RBFOX1: variants seen among roughly 807,000 people sequenced by gnomAD.
RBFOX1 encodes the protein RNA binding fox-1 homolog 1.
A neutral mutation model predicts 57.7 loss-of-function variants in RBFOX1; 8 were observed. The observed-to-expected ratio is 0.14, with a 90% CI of 0.08 to 0.25. The LOEUF (loss-of-function observed/expected upper bound fraction) is 0.25. Among genes scored for constraint, RBFOX1 ranks in the 10% least tolerant of loss-of-function variants. The pLI, the probability that RBFOX1 is intolerant of heterozygous loss-of-function variation, is 1.00. For synonymous variants in RBFOX1, 326 were observed against 222.4 expected (o/e 1.47, Z -4.15); for missense variants, 611 against 548.5 (o/e 1.11, Z -1.14).
chr16:5,313,356 G>A (rs2064143277), intron 1 of RBFOX1, among the ~76,000 whole-genome samples: 2 of 152,142 alleles, frequency 1.3e-5, no homozygotes, highest in African/African-American at 4.8e-5. Context: ...CCACAGTGAT[G>A]TGACTCCTAG....
At chr16:5,994,559 G>A (rs1013494491) in intron 4 of RBFOX1, among the ~76,000 whole-genome samples, 1 of 152,154 alleles carries the variant, frequency 6.6e-6, no homozygotes, top group African/African-American at 2.4e-5. Flanking sequence ...ATTTCTACAC[G>A]AGCTTGGCAA....
intron 1 of RBFOX1, among the ~76,000 whole-genome samples, chr16:6,128,670 A>C (rs1156917071): frequency 6.6e-6 from 1 of 152,224 alleles, no homozygotes; most frequent in African/African-American, 2.4e-5. Flanking sequence ...GAATGCTCAT[A>C]AGTCTGCATG....
At chr16:7,499,737 A>G (rs1567525926) in intron 4 of RBFOX1, among the ~76,000 whole-genome samples, 1 of 152,088 alleles carries the variant, frequency 6.6e-6, no homozygotes, top group Non-Finnish European at 1.5e-5. Flanking sequence ...TAAGGCTTTC[A>G]TTTGGTGGTG....
At chr16:6,517,888 C>A (rs974890484) in intron 2 of RBFOX1, among the ~76,000 whole-genome samples, 1 of 152,060 alleles carries the variant, frequency 6.6e-6, no homozygotes, top group Non-Finnish European at 1.5e-5. Context: ...AAGTCTGGGG[C>A]CTTAATACTT....
chr16:6,238,772 T>C (rs1470255223), intron 1 of RBFOX1, among the ~76,000 whole-genome samples: 1 of 152,194 alleles, frequency 6.6e-6, no homozygotes, highest in African/African-American at 2.4e-5. Flanking sequence ...TTTTAATGTT[T>C]AATTTTTGTG....
At chr16:6,798,091 C>T (rs982236902) in intron 3 of RBFOX1, among the ~76,000 whole-genome samples, 1 of 151,982 alleles carries the variant, frequency 6.6e-6, no homozygotes, top group Non-Finnish European at 1.5e-5. Context: ...AAATATATGC[C>T]ACACCCTTAA....
At position 5,945,175 on chromosome 16, in the gene RBFOX1, T is replaced by A. The variant is rs1208541941; in HGVS notation, c.351+77840T>A. On this transcript the variant is annotated intron_variant, in intron 4 of 19. Coordinates refer to the RBFOX1 transcript ENST00000641259. The stretch of plus-strand genomic sequence containing the variant: ...GACATTGAGCAAGTCATTACAGAAT[T>A]ACTCACAGGCTGACCACATGCCAGG... Among the ~76,000 whole-genome samples, 6 of 152,008 alleles carry A rather than the reference T, an allele frequency of 3.9e-5. No homozygotes were observed. In the East Asian group the frequency reaches 1.2e-3, roughly 29 times the overall value.
chr16:7,066,850 T>A (rs1385321556), intron 4 of RBFOX1, among the ~76,000 whole-genome samples: 1 of 152,132 alleles, frequency 6.6e-6, no homozygotes, highest in African/African-American at 2.4e-5. Flanking sequence ...AGCCAGTGAG[T>A]GGCAGAATCC....
chr16:6,898,214 C>G (rs959427924), intron 3 of RBFOX1, among the ~76,000 whole-genome samples: 2 of 152,072 alleles, frequency 1.3e-5, no homozygotes, highest in African/African-American at 4.8e-5. Flanking sequence ...GAGTTTGCAC[C>G]CATGGCCGCC....
intron 3 of RBFOX1, among the ~76,000 whole-genome samples, chr16:6,826,515 T>G (rs576864369): frequency 3.6e-4 from 55 of 152,296 alleles, no homozygotes; most frequent in African/African-American, 1.3e-3. Context: ...AAGCGTTCCA[T>G]AAGTGGCAGT....
intron 5 of RBFOX1, among the ~76,000 whole-genome samples, chr16:7,552,172 A>C (rs560732284): frequency 6.6e-6 from 1 of 152,198 alleles, no homozygotes; most frequent in Admixed American, 6.5e-5. Flanking sequence ...TCCTTCCTTC[A>C]TCCTTAGATT....
At chr16:6,777,556 G>A (rs1015330669) in intron 3 of RBFOX1, among the ~76,000 whole-genome samples, 1 of 152,046 alleles carries the variant, frequency 6.6e-6, no homozygotes, top group African/African-American at 2.4e-5. Flanking sequence ...GACCTTGCAG[G>A]CCTGTTTGCA....
intron 2 of RBFOX1, among the ~76,000 whole-genome samples, chr16:6,384,545 C>G (rs1282462272): frequency 2.0e-5 from 3 of 152,100 alleles, no homozygotes; most frequent in African/African-American, 7.2e-5. Context: ...AGAAATGGAG[C>G]TTACACAATT....
intron 4 of RBFOX1, among the ~76,000 whole-genome samples, chr16:5,937,771 A>T (rs1227536458): frequency 6.7e-6 from 1 of 149,296 alleles, no homozygotes; most frequent in Non-Finnish European, 1.5e-5. Context: ...AAATATATGT[A>T]TATAATGTAT....
At chr16:7,059,639 C>G (rs1360808955) in intron 4 of RBFOX1, among the ~76,000 whole-genome samples, 3 of 152,174 alleles carry the variant, frequency 2.0e-5, no homozygotes, top group Non-Finnish European at 4.4e-5. Flanking sequence ...GATTGACCTT[C>G]ACTTATCAAA....
At chr16:7,349,435 T>G (rs1199008684) in intron 4 of RBFOX1, among the ~76,000 whole-genome samples, 1 of 152,176 alleles carries the variant, frequency 6.6e-6, no homozygotes, top group Non-Finnish European at 1.5e-5. Context: ...CTTTGTAGAT[T>G]GGAGAAAGAA....
At chr16:6,158,203 T>C (rs967809384) in intron 1 of RBFOX1, among the ~76,000 whole-genome samples, 1 of 152,218 alleles carries the variant, frequency 6.6e-6, no homozygotes, top group African/African-American at 2.4e-5. Flanking sequence ...AAGAATGTGA[T>C]GCTTGCAACT....
intron 2 of RBFOX1, among the ~76,000 whole-genome samples, chr16:6,431,892 G>C (rs189668417): frequency 8.5e-6 from 1 of 118,118 alleles, no homozygotes; most frequent in Non-Finnish European, 1.8e-5. Context: ...ATGCTTGCTT[G>C]CTTGCTTTCT....
intron 1 of RBFOX1, among the ~76,000 whole-genome samples, chr16:6,221,920 C>T (rs546705165): frequency 6.6e-6 from 1 of 152,234 alleles, no homozygotes; most frequent in South Asian, 2.1e-4. Context: ...GGGGACACAG[C>T]CAAACCGTAT....
Sources: gnomAD v4.1 joint callset for allele counts (sites outside exome capture counted in the v4.1 genomes callset) on GRCh38, gnomAD v4.1.1 for gene constraint, MANE v1.5 for transcripts, NCBI Gene and HGNC (gene_info 2026-07-23, HGNC 2026-07-21) for gene names.